Variants in SLC34A2 observed in about 807,000 individuals in gnomAD.
SLC34A2 encodes solute carrier family 34 member 2, also known as sodium-dependent phosphate transport protein 2B.
Under a neutral mutation model 50.8 loss-of-function variants are expected in SLC34A2, and 41 were observed. The ratio of observed to expected loss-of-function variants is 0.81; its 90% CI spans 0.63 to 1.05. The LOEUF is 1.05. Ranked by LOEUF, SLC34A2 falls within the 50% of genes least tolerant of loss-of-function variation. The pLI, the probability that SLC34A2 is intolerant of heterozygous loss-of-function variation, is 0.00. For missense variants in SLC34A2, 879 were observed against 876.7 expected (o/e 1.00, Z -0.03); for synonymous variants, 401 against 364.2 (o/e 1.10, Z -1.15).
intron 4 of SLC34A2, chr4:25,664,847 C>G: frequency 4.2e-6 from 1 of 236,214 alleles, no homozygotes; most frequent in East Asian, 6.0e-5. Flanking sequence ...GTGCTTGGTT[C>G]CCTTTGTACC....
chr4:25,673,250 C>T lies in SLC34A2; in HGVS notation c.1212C>T (p.Asn404=). 1 of 1,611,298 alleles carries T rather than the reference C, an allele frequency of 6.2e-7. No individual in the cohort carries two copies. The change falls in exon 10 of 13, where the codon AAC becomes AAT. Residue 404 remains asparagine, a synonymous_variant. Coordinates refer to ENST00000382051, the MANE Select transcript of SLC34A2 (RefSeq NM_006424.3). Reference sequence around the variant, plus strand: ...CCACTGTCATCAAGAAGACCATCAACACTGGTAGGTACACTGCCCTCACTT... The same window carrying T: ...CCACTGTCATCAAGAAGACCATCAATACTGGTAGGTACACTGCCCTCACTT... ...QVATVIKKTI[N]TDFPFPFAWL...
rs1486814159 is a variant in SLC34A2, at chr4:25,676,491, C to T, written c.1815C>T (p.Ala605=). The change falls in exon 13 of 13, where the codon GCC becomes GCT. Residue 605 remains alanine, a synonymous_variant. Transcript: ENST00000382051. ...TGCGCTCGCTGAAGCCCTGGGATGC[C>T]GTCGTCTCCAAGTTCACCGGCTGCT... is the stretch of plus-strand genomic sequence containing the variant. ...LWMRSLKPWD[A]VVSKFTGCFQ... 7 of 1,614,024 alleles carry T rather than the reference C, an allele frequency of 4.3e-6. No individual in the cohort carries two copies. Among genetic ancestry groups the T allele is most frequent in the Admixed American group, 1.7e-5 (1 of 60,006 alleles).
At chr4:25,673,620 T>C (rs1714943180) in intron 10 of SLC34A2, among the ~76,000 whole-genome samples, 1 of 152,126 alleles carries the variant, frequency 6.6e-6, no homozygotes, top group Admixed American at 6.5e-5. Context: ...CCCTTCACTC[T>C]TGTAAAGGAA....
chr4:25,674,539 A>T lies in SLC34A2; in HGVS notation c.1368A>T (p.Pro456=). 1 of 1,614,036 alleles carries T rather than the reference A, an allele frequency of 6.2e-7. No individual in the cohort carries two copies. Among genetic ancestry groups the T allele is most frequent in the South Asian group, 1.1e-5 (1 of 91,074 alleles). The change falls in exon 12 of 13, where the codon CCA becomes CCT. Residue 456 remains proline (P), a synonymous_variant. Transcript: ENST00000382051. ...TGATAACCATTGAGAGGGCTTATCC[A>T]CTCACGCTGGGCTCCAACATCGGCA... ...IGVITIERAY[P]LTLGSNIGTT...
rs1714268814 is a variant in SLC34A2, at chr4:25,662,703, A to G, written c.113-2A>G. The G allele has an allele frequency of 6.2e-7, 1 of 1,613,980 alleles. No individual in the cohort carries two copies. Among genetic ancestry groups the G allele is most frequent in the Non-Finnish European group, 8.5e-7 (1 of 1,180,030 alleles). ...CCTCATTACCCCTTTTGCTTGTTTC[A>G]GCAGATAACACTGAGGCACCTGTAA... On this transcript the variant is annotated splice_acceptor_variant, in intron 2 of 12. Coordinates refer to ENST00000382051, the MANE Select transcript of SLC34A2 (RefSeq NM_006424.3). LOFTEE classifies it high-confidence loss of function.
intron 7 of SLC34A2, 109 bp from the exon 8 acceptor site, chr4:25,670,629 C>A: frequency 1.2e-6 from 1 of 804,384 alleles, no homozygotes; most frequent in Non-Finnish European, 2.1e-6. Flanking sequence ...TCTGGGGGCT[C>A]ACAGTCACAT....
At chr4:25,665,044 G>A (rs1236296212) in intron 4 of SLC34A2, 1 of 227,962 alleles carries the variant, frequency 4.4e-6, no homozygotes, top group Non-Finnish European at 8.7e-6. Flanking sequence ...TGACACAAAG[G>A]ACCATGGATT....
chr4:25,662,894 C>T (rs369898318), intron 3 of SLC34A2, 52 bp downstream of exon 3: 56 of 1,604,084 alleles, frequency 3.5e-5, no homozygotes, highest in African/African-American at 1.5e-4. Context: ...CTGTGGTTCA[C>T]GGTGTCATCA....
In SLC34A2 at chr4:25,671,729, G is replaced by A; in HGVS notation, c.1048+8G>A. Reference sequence around the variant, plus strand: ...AGGAGAACATCGCCAAATGTGAGTGGAGCTCAGTGGATTGGCCACTATGAC... The same window carrying A: ...AGGAGAACATCGCCAAATGTGAGTGAAGCTCAGTGGATTGGCCACTATGAC... On this transcript the variant is annotated splice_region_variant and intron_variant, in intron 9 of 12. Transcript: ENST00000382051. The A allele has an allele frequency of 1.2e-6, 2 of 1,614,184 alleles. No homozygotes were observed. The highest frequency in any genetic ancestry group is 1.7e-6 in the Non-Finnish European group (2 of 1,180,038).
chr4:25,669,791 C>G lies in SLC34A2; in HGVS notation c.780C>G (p.Ala260=). 1 of 1,614,042 alleles carries G rather than the reference C, an allele frequency of 6.2e-7. No homozygotes were observed. Among genetic ancestry groups the G allele is most frequent in the Non-Finnish European group, 8.5e-7 (1 of 1,179,954 alleles). ...ESFHFKNGED[A]PDLLKVITKP... is the part of the protein sequence containing the mutation. ...TCCACTTCAAGAATGGAGAAGATGCCCCAGATCTTCTGAAAGTCATCACTA... is the reference window on the plus strand; with the variant it reads ...TCCACTTCAAGAATGGAGAAGATGCGCCAGATCTTCTGAAAGTCATCACTA... The change falls in exon 7 of 13, where the codon GCC becomes GCG. Residue 260 remains alanine (A), a synonymous_variant. Transcript: ENST00000382051.
chr4:25,675,423 A>G (rs1161815520), intron 12 of SLC34A2, among the ~76,000 whole-genome samples: 2 of 152,240 alleles, frequency 1.3e-5, no homozygotes, highest in Non-Finnish European at 2.9e-5. Flanking sequence ...TGAAAGATGG[A>G]GGACATAACC....
In SLC34A2 at chr4:25,676,307, T is replaced by C. The variant is rs771562085; in HGVS notation, c.1631T>C (p.Val544Ala). 1 of 1,614,014 alleles carries C rather than the reference T, an allele frequency of 6.2e-7. No homozygotes were observed. Among genetic ancestry groups the C allele is most frequent in the African/African-American group, 1.3e-5 (1 of 74,910 alleles). ...TTCTTCTTCCTGATCCCGCTGACGG[T>C]GTTTGGCCTCTCGCTGGCCGGCTGG... ...IIFFFLIPLT[V>A]FGLSLAGWRV... Residue 544 changes from valine to alanine, a missense_variant, in exon 13 of 13, where the codon GTG becomes GCG. By Grantham distance (64) the Val-to-Ala change is moderately conservative (BLOSUM62 0). Transcript: ENST00000382051.
intron 1 of SLC34A2, among the ~76,000 whole-genome samples, 162 bp from the exon 2 acceptor site, chr4:25,662,336 C>T (rs959515663): frequency 2.0e-5 from 3 of 152,200 alleles, no homozygotes; most frequent in Admixed American, 2.0e-4. Flanking sequence ...ATATGCCACA[C>T]TTAGGGGGCA....
At chr4:25,658,893 T>G (rs1016736324) in intron 1 of SLC34A2, among the ~76,000 whole-genome samples, 234 of 150,118 alleles carry the variant, frequency 1.6e-3, no homozygotes, top group African/African-American at 5.4e-3. Context: ...CTGCACCATT[T>G]AATACCCACC....
chr4:25,661,397 A>C (rs986299327), intron 1 of SLC34A2, among the ~76,000 whole-genome samples: 1 of 152,162 alleles, frequency 6.6e-6, no homozygotes, highest in South Asian at 2.1e-4. Flanking sequence ...ATATACTTAT[A>C]TATTTTGAGA....
At chr4:25,666,030 C>T (rs1714478433) in intron 4 of SLC34A2, 98 bp from the exon 5 acceptor site, 3 of 1,501,860 alleles carry the variant, frequency 2.0e-6, no homozygotes, top group Admixed American at 1.7e-5. Context: ...AACCCACAGC[C>T]AGCTGGCCTT....
intron 7 of SLC34A2, among the ~76,000 whole-genome samples, chr4:25,670,416 C>T (rs557441644): frequency 2.0e-5 from 3 of 152,166 alleles, no homozygotes; most frequent in Non-Finnish European, 4.4e-5. Context: ...CCACTGCTGT[C>T]CTCAACACCA....
rs1379103614 is a variant in SLC34A2 at position 25,662,802 on chromosome 4, G to A, written c.210G>A (p.Trp70Ter). ...IDEPTEVDDP[W>*]NLPTLQDSGI... is the part of the protein sequence containing the mutation. ...AGCCCACTGAGGTGGATGACCCCTG[G>A]AACCTACCCACTCTTCAGGACTCGG... The change falls in exon 3 of 13, where the codon TGG becomes TGA. Residue 70 changes from tryptophan to a stop codon, truncating the protein, a stop_gained. Transcript: ENST00000382051. LOFTEE classifies it high-confidence loss of function. 2 of 1,613,840 alleles carry A rather than the reference G, an allele frequency of 1.2e-6. No homozygotes were observed. The highest frequency in any genetic ancestry group is 1.7e-6 in the Non-Finnish European group (2 of 1,180,000).
chr4:25,662,836 T>G lies in SLC34A2; in HGVS notation c.244T>G (p.Trp82Gly). The change falls in exon 3 of 13, where the codon TGG becomes GGG. Residue 82 changes from tryptophan (W) to glycine (G), a missense_variant. Transcript: ENST00000382051. ...LPTLQDSGIK[W>G]SERDTKGKIL... ...CACTCTTCAGGACTCGGGGATCAAG[T>G]GGTCAGGTAAAAGTGAGGCCAGCTG... 1 of 1,614,004 alleles carries G rather than the reference T, an allele frequency of 6.2e-7. No individual in the cohort carries two copies. The highest frequency in any genetic ancestry group is 8.5e-7 in the Non-Finnish European group (1 of 1,179,982).
Sources: allele counts gnomAD v4.1 joint callset (sites outside exome capture counted in the v4.1 genomes callset), GRCh38; gene constraint gnomAD v4.1.1; transcripts MANE v1.5; gene names NCBI Gene and HGNC (gene_info 2026-07-23, HGNC 2026-07-21).